Variants in ANOS1 observed in about 807,000 individuals in gnomAD.
The protein encoded by ANOS1 is anosmin-1.
In ANOS1, 6 loss-of-function variants were observed where a neutral mutation model predicts 59.0. The observed-to-expected ratio is 0.10, with a 90% CI of 0.06 to 0.20. The LOEUF is 0.20. Ranked by LOEUF, ANOS1 falls within the 10% of genes least tolerant of loss-of-function variation. The pLI, the probability that ANOS1 is intolerant of heterozygous loss-of-function variation, is 1.00. For synonymous variants in ANOS1, 217 were observed against 223.4 expected, an observed-to-expected ratio of 0.97 and a Z score of 0.25; for missense variants, 433 against 542.3, an observed-to-expected ratio of 0.80 and a Z score of 2.00.
At chrX:8,589,672 G>A (rs1372112819) in intron 4 of ANOS1, among the ~76,000 whole-genome samples, 3 of 112,009 alleles carry the variant, frequency 2.7e-5, no homozygotes, top group Non-Finnish European at 5.6e-5. Flanking sequence ...AGCTTGTATT[G>A]TAAACTTTTC....
At chrX:8,563,404 T>G (rs1157674787) in intron 8 of ANOS1, among the ~76,000 whole-genome samples, 1 of 112,496 alleles carries the variant, frequency 8.9e-6, no homozygotes, top group Non-Finnish European at 1.9e-5. Context: ...TTTAACTGCC[T>G]GTTTTGTTCA....
rs1929553666 is a variant in ANOS1 at position 8,534,388 on chromosome X, G to C, written c.1915C>G (p.Pro639Ala). 8.3e-7 allele frequency: 1 copy of C among 1,208,518 alleles called. No homozygotes were observed. The highest frequency in any genetic ancestry group is 2.2e-5 in the Admixed American group (1 of 45,648). The change falls in exon 13 of 14, where the codon CCA becomes GCA. Residue 639 changes from proline to alanine, a missense_variant. Coordinates refer to ENST00000262648, the MANE Select transcript of ANOS1 (RefSeq NM_000216.4). ...ATGGTGGCCGGCCCCTCCCCTCCTG[G>C]GGTCAGCACTTGCACTTCCAGTCGG... ...LYRLEVQVLT[P>A]GGEGPATIKT...
Position 8,725,657 on chromosome X carries a change from T to A in ANOS1, c.207+6173A>T, listed in dbSNP as rs7891090. On this transcript the variant is annotated intron_variant, in intron 1 of 13. Transcript: ENST00000262648. The stretch of plus-strand genomic sequence containing the variant: ...ATATACAGATATATATACAGATATA[T>A]ATATATACAGATATATATATACAGA... Among the ~76,000 whole-genome samples, 185 of 53,263 alleles carry A rather than the reference T, an allele frequency of 3.5e-3. 11 individuals carry two copies. Among genetic ancestry groups the A allele is most frequent in the African/African-American group, 0.023 (179 of 7,690 alleles). The allele number at this position is 53,263 out of a possible 115,157, so 46.3% of individuals were successfully genotyped here.
Position 8,732,043 on chromosome X carries a change from G to A in ANOS1, c.-7C>T, listed in dbSNP as rs1324815984. The A allele has an allele frequency of 6.3e-6, 6 of 952,886 alleles. No individual in the cohort carries two copies. Among genetic ancestry groups the A allele is most frequent in the African/African-American group, 2.1e-5 (1 of 48,322 alleles). 78.5% of individuals were successfully genotyped at this position (952,886 alleles called of 1,213,427 possible). ...CGGGCACCCCGGGCACCATGGCTGCGGGTCGAGGGCGAGGGCGAGGGCGCC... is the reference window on the plus strand; with the variant it reads ...CGGGCACCCCGGGCACCATGGCTGCAGGTCGAGGGCGAGGGCGAGGGCGCC... On this transcript the variant is annotated 5_prime_UTR_variant, in exon 1 of 14. Coordinates refer to ENST00000262648, the MANE Select transcript of ANOS1 (RefSeq NM_000216.4).
intron 2 of ANOS1, among the ~76,000 whole-genome samples, chrX:8,647,592 C>A (rs1931781865): frequency 8.9e-6 from 1 of 112,103 alleles, no homozygotes. Flanking sequence ...TCCCACAAAT[C>A]CAAACTGCTT....
chrX:8,705,683 A>G (rs1327828675), intron 1 of ANOS1, among the ~76,000 whole-genome samples: 1 of 112,352 alleles, frequency 8.9e-6, no homozygotes, highest in Non-Finnish European at 1.9e-5. Flanking sequence ...AGTATATTTC[A>G]ATACCCTGCC....
At position 8,630,344 on chromosome X, in the gene ANOS1, T is replaced by C. The variant is rs914367679; in HGVS notation, c.256-6674A>G. On this transcript the variant is annotated intron_variant, in intron 2 of 13. Transcript: ENST00000262648. The stretch of plus-strand genomic sequence containing the variant: ...TACTTGGGAGGCTGAGGTGGGAGAA[T>C]TGCTTGAACCTGGGAGCTGGAAGTT... Among the ~76,000 whole-genome samples the C allele has an allele frequency of 7.2e-5, 8 of 110,347 alleles. No homozygotes were observed. The Admixed American group carries it at 7.8e-4, about 11-fold the overall frequency.
Position 8,534,435 on chromosome X carries a change from T to C in ANOS1, c.1868A>G (p.Asn623Ser), listed in dbSNP as rs373494443. The change falls in exon 13 of 14, where the codon AAT (asparagine) becomes AGT (serine). Residue 623 changes from asparagine (N) to serine (S), a missense_variant. Asn to Ser is a conservative substitution (Grantham distance 46, BLOSUM62 1). Transcript: ENST00000262648. Reference sequence around the variant, plus strand: ...TCGGTAAAGAGTAGATGGTCTCAGATTGGGCACTGTTAGGACATAATGATC... The same window carrying C: ...TCGGTAAAGAGTAGATGGTCTCAGACTGGGCACTGTTAGGACATAATGATC... ...PSDHYVLTVP[N>S]LRPSTLYRLE... The C allele has an allele frequency of 9.9e-6, 12 of 1,208,045 alleles. No homozygotes were observed. In the African/African-American group the frequency reaches 1.6e-4, roughly 16 times the overall value.
At chrX:8,614,653 CA>C (rs1218640383) in intron 3 of ANOS1, among the ~76,000 whole-genome samples, 4 of 110,294 alleles carry the variant, frequency 3.6e-5, no homozygotes, top group East Asian at 2.8e-4. Context: ...TATATGCATT[CA>C]AAAAAAATTT....
intron 5 of ANOS1, among the ~76,000 whole-genome samples, chrX:8,587,134 G>T (rs1372632763): frequency 1.1e-5 from 1 of 94,276 alleles, no homozygotes; most frequent in African/African-American, 4.1e-5. Flanking sequence ...GTGTGTGTGT[G>T]GGGGGGTGGT....
Position 8,731,811 on chromosome X carries a change from G to A in ANOS1, c.207+19C>T. ...CGGCCGCAGCCCCAGAAAGAACCCG[G>A]GCGGGGGCCTCCCCGTACCTGGAAG... On this transcript the variant is annotated intron_variant, in intron 1 of 13. Coordinates refer to ENST00000262648, the MANE Select transcript of ANOS1 (RefSeq NM_000216.4). The A allele has an allele frequency of 8.5e-7, 1 of 1,180,702 alleles. No individual in the cohort carries two copies. Among genetic ancestry groups the A allele is most frequent in the East Asian group, 3.2e-5 (1 of 31,615 alleles).
At chrX:8,625,811 C>T (rs1277045216) in intron 2 of ANOS1, among the ~76,000 whole-genome samples, 1 of 111,017 alleles carries the variant, frequency 9.0e-6, no homozygotes, top group Non-Finnish European at 1.9e-5. Flanking sequence ...GCTTAGTAAA[C>T]TTTAAAAAGA....
At chrX:8,726,504 G>GACACACAT (rs767542015) in intron 1 of ANOS1, among the ~76,000 whole-genome samples, 1 of 111,841 alleles carries the variant, frequency 8.9e-6, no homozygotes, top group Non-Finnish European at 1.9e-5. Context: ...CAAAGACACA[G>GACACACAT]ACACACATAC....
chrX:8,561,726 C>A (rs1930036264), intron 8 of ANOS1, among the ~76,000 whole-genome samples: 1 of 109,554 alleles, frequency 9.1e-6, no homozygotes, highest in Non-Finnish European at 1.9e-5. Flanking sequence ...GGATTATAGG[C>A]ATGAGCTACT....
intron 1 of ANOS1, among the ~76,000 whole-genome samples, chrX:8,707,399 G>C (rs1405106070): frequency 5.4e-5 from 6 of 111,746 alleles, no homozygotes; most frequent in Non-Finnish European, 1.1e-4. Flanking sequence ...TAAGAAGTAG[G>C]CTCATTATTT....
intron 9 of ANOS1, among the ~76,000 whole-genome samples, chrX:8,551,599 T>G (rs1476807454): frequency 9.8e-6 from 1 of 102,110 alleles, no homozygotes; most frequent in African/African-American, 3.8e-5. Context: ...AGAGTGAAAC[T>G]CCATCAAAAA....
In ANOS1 at chrX:8,664,400, A is replaced by G. The variant is rs549081501; in HGVS notation, c.255+35298T>C. ...AGTAGAGACGGGGTTTCACCATGTTAGCCAGGATGGTCTCAATCTCCTGAC... is the reference window on the plus strand; with the variant it reads ...AGTAGAGACGGGGTTTCACCATGTTGGCCAGGATGGTCTCAATCTCCTGAC... On this transcript the variant is annotated intron_variant, in intron 2 of 13. Transcript: ENST00000262648. 3.1e-4 allele frequency among the ~76,000 whole-genome samples: 34 copies of G among 110,107 alleles called. No individual in the cohort carries two copies. In the South Asian group the frequency reaches 0.012, roughly 37 times the overall value.
chrX:8,728,950 C>T lies in ANOS1; in HGVS notation c.207+2880G>A, dbSNP rs181357347. ...GGAGGTGTCAGGTGTGCACATCTAC[C>T]CACTGCTTTTCTGTCTTGTTGCTGA... On this transcript the variant is annotated intron_variant, in intron 1 of 13. Transcript: ENST00000262648. Among the ~76,000 whole-genome samples, 3 of 111,806 alleles carry T rather than the reference C, an allele frequency of 2.7e-5. No homozygotes were observed. The East Asian group carries it at 8.5e-4, about 32-fold the overall frequency.
chrX:8,545,084 GA>G (rs1198740942), intron 9 of ANOS1, among the ~76,000 whole-genome samples: 884 of 80,288 alleles, frequency 0.011, 9 homozygotes, highest in Non-Finnish European at 0.017. Flanking sequence ...AAAAAAAAAA[GA>G]AAAGAAGAGA....
Sources: allele counts gnomAD v4.1 joint callset (sites outside exome capture counted in the v4.1 genomes callset), GRCh38; gene constraint gnomAD v4.1.1; transcripts MANE v1.5; gene names NCBI Gene and HGNC (gene_info 2026-07-23, HGNC 2026-07-21).